Variants in NFATC2 observed in about 807,000 individuals in gnomAD.
The protein encoded by NFATC2 is nuclear factor of activated T cells 2.
Under a neutral mutation model 87.3 loss-of-function variants are expected in NFATC2, and 22 were observed. That is an observed-to-expected ratio of 0.25 (90% CI 0.18 to 0.36). The LOEUF (loss-of-function observed/expected upper bound fraction) is 0.36, where lower values mean the gene tolerates loss of function less well. NFATC2 is among the 10% of genes least tolerant of loss of function. The pLI, the probability that NFATC2 is intolerant of heterozygous loss-of-function variation, is 1.00. For synonymous variants in NFATC2, 565 were observed against 542.2 expected, an observed-to-expected ratio of 1.04 and a Z score of -0.58; for missense variants, 1,149 against 1,259.1, an observed-to-expected ratio of 0.91 and a Z score of 1.32.
At chr20:51,554,090 C>T (rs543565519) in intron 1 of NFATC2, among the ~76,000 whole-genome samples, 1 of 152,194 alleles carries the variant, frequency 6.6e-6, no homozygotes, top group South Asian at 2.1e-4. Context: ...CAGAGGTACC[C>T]GTCATCAGCT....
chr20:51,473,669 C>T (rs553647611), intron 5 of NFATC2, among the ~76,000 whole-genome samples: 2 of 152,324 alleles, frequency 1.3e-5, no homozygotes, highest in African/African-American at 2.4e-5. Context: ...TGCATCTATC[C>T]TTTAAGACCA....
chr20:51,526,561 T>C (rs2076549183), intron 1 of NFATC2, among the ~76,000 whole-genome samples: 1 of 152,112 alleles, frequency 6.6e-6, no homozygotes, highest in Admixed American at 6.5e-5. Flanking sequence ...ATTTGCCGAG[T>C]GGCTGAGAGA....
chr20:51,493,563 G>C (rs890561346), intron 3 of NFATC2, among the ~76,000 whole-genome samples: 1 of 152,110 alleles, frequency 6.6e-6, no homozygotes, highest in African/African-American at 2.4e-5. Flanking sequence ...TTTCCACCCC[G>C]ACTATGAGTC....
chr20:51,515,684 T>TC (rs1337853609), intron 3 of NFATC2, among the ~76,000 whole-genome samples: 1 of 116,056 alleles, frequency 8.6e-6, no homozygotes, highest in Non-Finnish European at 1.9e-5. Flanking sequence ...GGTGTCTGAT[T>TC]TAAAAAAAAA....
At chr20:51,540,369 T>A (rs2076787242) in intron 1 of NFATC2, among the ~76,000 whole-genome samples, 2 of 152,166 alleles carry the variant, frequency 1.3e-5, no homozygotes, top group South Asian at 4.1e-4. Flanking sequence ...CTTTGTGGGC[T>A]TCCTCCCGAA....
chr20:51,428,725 C>G (rs1350331345), intron 9 of NFATC2, among the ~76,000 whole-genome samples: 1 of 152,216 alleles, frequency 6.6e-6, no homozygotes. Flanking sequence ...GAGGGAGGAC[C>G]TGTGTGTCCA....
At position 51,554,008 on chromosome 20, in the gene NFATC2, T is replaced by G. The variant is rs576309533; in HGVS notation, c.70+8552A>C. ...CCATTCTCTTCCCTGCCATATTCTT[T>G]GCAGACTCAAACATCTGTACCGATT... On this transcript the variant is annotated intron_variant, in intron 1 of 10. Coordinates refer to the NFATC2 transcript ENST00000414705. 2.1e-3 allele frequency among the ~76,000 whole-genome samples: 325 copies of G among 152,270 alleles called. 5 individuals carry two copies. The highest frequency in any genetic ancestry group is 7.6e-3 in the African/African-American group (315 of 41,552).
chr20:51,502,343 T>C (rs1215288041), intron 3 of NFATC2, among the ~76,000 whole-genome samples: 1 of 152,214 alleles, frequency 6.6e-6, no homozygotes, highest in East Asian at 1.9e-4. Context: ...GGGTTTGTTT[T>C]GAGACAGGAT....
chr20:51,532,722 G>T (rs1417000295), intron 1 of NFATC2, among the ~76,000 whole-genome samples: 1 of 152,200 alleles, frequency 6.6e-6, no homozygotes, highest in Admixed American at 6.5e-5. Flanking sequence ...AAAAGGAACA[G>T]CAAGAGAACA....
intron 3 of NFATC2, among the ~76,000 whole-genome samples, chr20:51,487,762 C>G (rs568220124): frequency 5.3e-5 from 8 of 152,086 alleles, no homozygotes; most frequent in African/African-American, 1.9e-4. Flanking sequence ...CTGTGCAGGT[C>G]TCTCTGGATT....
At chr20:51,393,865 AAGGGCTGTTTCCCTTCTCAGAACAC>A (rs1408062933) in intron 10 of NFATC2, among the ~76,000 whole-genome samples, 5 of 152,182 alleles carry the variant, frequency 3.3e-5, no homozygotes, top group Admixed American at 6.5e-5. Flanking sequence ...GGCCCTCTCG[AAGGGCTGTTTCCCTTCTCAGAACAC>A]AGGGCTGGGG....
At chr20:51,395,252 A>C (rs951878416) in intron 10 of NFATC2, among the ~76,000 whole-genome samples, 51 of 149,844 alleles carry the variant, frequency 3.4e-4, no homozygotes, top group African/African-American at 1.3e-4. Context: ...AGAGACAGGC[A>C]GACCAATACT....
At position 51,472,620 on chromosome 20, in the gene NFATC2, T is replaced by C. The variant is rs528349282; in HGVS notation, c.1708+1360A>G. On this transcript the variant is annotated intron_variant, in intron 5 of 10. Coordinates refer to ENST00000371564, the MANE Select transcript of NFATC2 (RefSeq NM_012340.5). ...TTCTGGAACAATGCTTATTTTTTTCTTCTTTCTTCTTTTTTTTTTTTTTTT... is the reference window on the plus strand; with the variant it reads ...TTCTGGAACAATGCTTATTTTTTTCCTCTTTCTTCTTTTTTTTTTTTTTTT... 8.0e-5 allele frequency among the ~76,000 whole-genome samples: 12 copies of C among 149,690 alleles called. No individual in the cohort carries two copies. The East Asian group carries it at 1.5e-3, about 19-fold the overall frequency.
At chr20:51,462,157 G>A (rs73269996) in intron 5 of NFATC2, among the ~76,000 whole-genome samples, 2,556 of 151,646 alleles carry the variant, frequency 0.017, 75 homozygotes, top group African/African-American at 0.058. Flanking sequence ...ATAACAGGCC[G>A]GGCAGGGTGA....
intron 1 of NFATC2, among the ~76,000 whole-genome samples, chr20:51,530,738 G>A (rs1036986568): frequency 2.0e-5 from 3 of 152,008 alleles, no homozygotes; most frequent in African/African-American, 4.8e-5. Flanking sequence ...CATACCTCCC[G>A]ACCTTACATC....
chr20:51,445,082 T>C (rs1405090603), intron 6 of NFATC2, among the ~76,000 whole-genome samples: 1 of 151,890 alleles, frequency 6.6e-6, no homozygotes, highest in African/African-American at 2.4e-5. Flanking sequence ...GCCAGAGCAC[T>C]CAAACATCAA....
chr20:51,432,364 G>A lies in NFATC2; in HGVS notation c.2425C>T (p.Pro809Ser). The change falls in exon 9 of 11, where the codon CCT (proline) becomes TCT (serine). Residue 809 changes from proline to serine, a missense_variant. By Grantham distance (74) the Pro-to-Ser change is moderately conservative. This residue lies in a region of NFATC2 where 581 missense variants were observed against 649.7 expected (regional missense o/e 0.89). Transcript: ENST00000371564. The surrounding 1 kb of genome is among the most constrained non-coding windows in gnomAD (Gnocchi z 4.6). ...TTGGTGGGTGAGTAGTGGATCACAG[G>A]CGAGGCCTGCTGGTTGGTCGGAGAG... is the stretch of plus-strand genomic sequence containing the variant. ...HPSPTNQQAS[P>S]VIHYSPTNQQ... is the part of the protein sequence containing the mutation. 6.2e-7 allele frequency: 1 copy of A among 1,613,306 alleles called. No individual in the cohort carries two copies. Among genetic ancestry groups the A allele is most frequent in the Non-Finnish European group, 8.5e-7 (1 of 1,179,548 alleles).
intron 3 of NFATC2, among the ~76,000 whole-genome samples, chr20:51,489,146 T>C (rs1295196330): frequency 1.3e-5 from 2 of 152,182 alleles, no homozygotes; most frequent in Non-Finnish European, 2.9e-5. Context: ...GCCAAGATCG[T>C]GCCACTGCAC....
chr20:51,504,017 G>A (rs568959472), intron 3 of NFATC2, among the ~76,000 whole-genome samples: 28 of 150,414 alleles, frequency 1.9e-4, no homozygotes, highest in African/African-American at 6.6e-4. Flanking sequence ...CTAATTTTTG[G>A]GGTTTTTTTG....
Sources: allele counts gnomAD v4.1 joint callset (sites outside exome capture counted in the v4.1 genomes callset), GRCh38; gene constraint gnomAD v4.1.1; regional missense constraint gnomAD v4.1.1; non-coding constraint Gnocchi (gnomAD v3.1); transcripts MANE v1.5; gene names NCBI Gene and HGNC (gene_info 2026-07-23, HGNC 2026-07-21).